PWWP3A: variants seen among roughly 807,000 people sequenced by gnomAD.
PWWP3A encodes the protein PWWP domain-containing DNA repair factor 3A.
Under a neutral mutation model 79.0 loss-of-function variants are expected in PWWP3A, and 53 were observed. The observed-to-expected ratio is 0.67, with a 90% CI of 0.54 to 0.84. The LOEUF is 0.84. Ranked by LOEUF, PWWP3A falls within the 40% of genes least tolerant of loss-of-function variation. The pLI is 0.00. For synonymous variants in PWWP3A, 443 were observed against 394.4 expected, an observed-to-expected ratio of 1.12 and a Z score of -1.46; for missense variants, 973 against 948.0, an observed-to-expected ratio of 1.03 and a Z score of -0.35.
At chr19:1,362,778 A>G (rs2082047797) in intron 6 of PWWP3A, among the ~76,000 whole-genome samples, 1 of 152,242 alleles carries the variant, frequency 6.6e-6, no homozygotes, top group South Asian at 2.1e-4. Flanking sequence ...CTTCAGCCCA[A>G]GAGTGAACTG....
intron 8 of PWWP3A, among the ~76,000 whole-genome samples, 192 bp from the exon 9 acceptor site, chr19:1,366,968 C>T (rs1222370636): frequency 6.6e-6 from 1 of 152,208 alleles, no homozygotes; most frequent in Admixed American, 6.5e-5. Flanking sequence ...GTCAGTGTTG[C>T]TGAAGTCACT....
rs770341107 is a variant in PWWP3A at position 1,370,999 on chromosome 19, A to G, written c.1907A>G (p.Tyr636Cys). The change falls in exon 12 of 14, where the codon TAC becomes TGC. Residue 636 changes from tyrosine (Y) to cysteine (C), a missense_variant. Physicochemically the swap from Tyr to Cys is radical, Grantham distance 194. Transcript: ENST00000591337. ...GTGGTGAAGTACCTGCAGGGCGTCTACCAGGAGGTGGGGGCCAAGGTGCTC... is the reference window on the plus strand; with the variant it reads ...GTGGTGAAGTACCTGCAGGGCGTCTGCCAGGAGGTGGGGGCCAAGGTGCTC... ...DLVVKYLQGV[Y>C]QEVGAKVLQR... 1.0e-5 allele frequency: 16 copies of G among 1,570,004 alleles called. No individual in the cohort carries two copies. Among genetic ancestry groups the G allele is most frequent in the Non-Finnish European group, 1.4e-5 (16 of 1,157,366 alleles).
intron 6 of PWWP3A, among the ~76,000 whole-genome samples, chr19:1,363,540 A>G (rs2144722129): frequency 6.6e-6 from 1 of 152,188 alleles, no homozygotes; most frequent in South Asian, 2.1e-4. Context: ...ACGCTGCCCC[A>G]CTGGGGTTGG....
intron 1 of PWWP3A, among the ~76,000 whole-genome samples, chr19:1,356,116 GA>G (rs923818632): frequency 2.6e-5 from 4 of 152,090 alleles, no homozygotes; most frequent in African/African-American, 9.7e-5. Flanking sequence ...TTTTATTTAT[GA>G]AAAAATGCAG....
rs1054032753 is a variant in PWWP3A at position 1,369,359 on chromosome 19, A to C, written c.1498+19A>C. On this transcript the variant is annotated intron_variant, in intron 10 of 13. Transcript: ENST00000591337. This position sits in a 1 kb window ranked among gnomAD's most constrained non-coding sequence, Gnocchi z 4.0. ...CGGTTAGGTACGTGGGGTGCTGGGGAGGGGTGGAGCTGGGCAGCAGGCGTC... is the reference window on the plus strand; with the variant it reads ...CGGTTAGGTACGTGGGGTGCTGGGGCGGGGTGGAGCTGGGCAGCAGGCGTC... 1.2e-6 allele frequency: 2 copies of C among 1,609,772 alleles called. No homozygotes were observed. Among genetic ancestry groups the C allele is most frequent in the Admixed American group, 3.3e-5 (2 of 59,902 alleles).
Position 1,377,014 on chromosome 19 carries a change from T to G in PWWP3A, c.*438T>G, listed in dbSNP as rs557693991. The G allele has an allele frequency of 6.5e-6, 1 of 154,684 alleles. No homozygotes were observed. The highest frequency in any genetic ancestry group is 1.4e-5 in the Non-Finnish European group (1 of 69,832). 9.6% of individuals were successfully genotyped at this position (154,684 alleles called of 1,614,324 possible). A position where few individuals can be genotyped will look rare whatever the true frequency, so the allele number is the denominator to read the frequency against. ...TGGTTCTTCCGGGTTTGCTGTTTTG[T>G]CTGTTTCCCCCTTGTGTGGTTTCCG... On this transcript the variant is annotated 3_prime_UTR_variant, in exon 14 of 14. Coordinates refer to ENST00000591337, the MANE Select transcript of PWWP3A (RefSeq NM_001369789.1).
At position 1,361,016 on chromosome 19, in the gene PWWP3A, C is replaced by G. The variant is rs1232122826; in HGVS notation, c.1095C>G (p.Ser365=). 7.0e-7 allele frequency: 1 copy of G among 1,428,590 alleles called. No individual in the cohort carries two copies. The highest frequency in any genetic ancestry group is 3.2e-5 in the Admixed American group (1 of 31,294). 88.5% of individuals were successfully genotyped at this position (1,428,590 alleles called of 1,614,324 possible). A position where few individuals can be genotyped will look rare whatever the true frequency, so the allele number is the denominator to read the frequency against. ...CCAGATGTCTTCCTTGCCCGGATTC[C>G]CAGAAGCTGGAGAAAGGTAAAAGTT... ...DATRCLPCPD[S]QKLEKECQSS... is the part of the protein sequence containing the mutation. Residue 365 remains serine (S), a synonymous_variant, in exon 5 of 14, where the codon TCC becomes TCG. Coordinates refer to ENST00000591337, the MANE Select transcript of PWWP3A (RefSeq NM_001369789.1).
intron 9 of PWWP3A, among the ~76,000 whole-genome samples, chr19:1,367,733 G>C (rs1336897628): frequency 6.6e-6 from 1 of 152,238 alleles, no homozygotes; most frequent in East Asian, 1.9e-4. Context: ...TCTGCAGCCA[G>C]CTTTCATCAT....
Position 1,376,309 on chromosome 19 carries a change from TTG to T in PWWP3A, c.2076-208_2076-207del, listed in dbSNP as rs767791587. 1.9e-3 allele frequency among the ~76,000 whole-genome samples: 158 copies of T among 84,126 alleles called. 9 individuals carry two copies. Among genetic ancestry groups the T allele is most frequent in the African/African-American group, 6.5e-3 (115 of 17,588 alleles). The allele number at this position is 84,126 out of a possible 152,430, so 55.2% of individuals were successfully genotyped here. On this transcript the variant is annotated intron_variant, in intron 13 of 13. Coordinates refer to ENST00000591337, the MANE Select transcript of PWWP3A (RefSeq NM_001369789.1). Reference sequence around the variant, plus strand: ...CCCGGCTGTTTGTTTTTTTTTTTGTTTGTTTTTTTTTTTTTTTGGTATTTTTT... The same window carrying T: ...CCCGGCTGTTTGTTTTTTTTTTTGTTTTTTTTTTTTTTTTTGGTATTTTTT...
intron 13 of PWWP3A, among the ~76,000 whole-genome samples, chr19:1,374,744 G>C (rs935999359): frequency 1.3e-5 from 2 of 151,950 alleles, no homozygotes; most frequent in Admixed American, 1.3e-4. Context: ...ATACTCTTTC[G>C]TAAAAAATTA....
In PWWP3A at chr19:1,360,018, G is replaced by A; in HGVS notation, c.215-118G>A. 9.8e-7 allele frequency: 1 copy of A among 1,019,354 alleles called. No homozygotes were observed. The highest frequency in any genetic ancestry group is 1.3e-6 in the Non-Finnish European group (1 of 744,324). 63.1% of individuals were successfully genotyped at this position (1,019,354 alleles called of 1,614,324 possible). A position where few individuals can be genotyped will look rare whatever the true frequency, so the allele number is the denominator to read the frequency against. ...TGAGAAATGTTAGTCCTCCCCTTCA[G>A]TGATTTAGGTATGAAACTAGCCGTC... On this transcript the variant is annotated intron_variant, in intron 4 of 13. Transcript: ENST00000591337. The surrounding 1 kb of genome is among the most constrained non-coding windows in gnomAD (Gnocchi z 4.4).
intron 13 of PWWP3A, among the ~76,000 whole-genome samples, chr19:1,376,296 T>TTTTG (rs1568968637): frequency 1.5e-5 from 1 of 67,514 alleles, no homozygotes; most frequent in Non-Finnish European, 3.1e-5. Context: ...CGGCTGTTTG[T>TTTTG]TTTTTTTTTT....
chr19:1,369,558 A>G lies in PWWP3A; in HGVS notation c.1499-38A>G. The G allele has an allele frequency of 6.2e-7, 1 of 1,612,082 alleles. No homozygotes were observed. Among genetic ancestry groups the G allele is most frequent in the Non-Finnish European group, 8.5e-7 (1 of 1,178,204 alleles). ...GAACACACTTCCTGGGACTCCTCTT[A>G]GGTCTACACAGTGCTCTCTCCCCTC... is the stretch of plus-strand genomic sequence containing the variant. On this transcript the variant is annotated intron_variant, in intron 10 of 13. Transcript: ENST00000591337. This position sits in a 1 kb window ranked among gnomAD's most constrained non-coding sequence, Gnocchi z 4.0.
At position 1,360,904 on chromosome 19, in the gene PWWP3A, G is replaced by C; in HGVS notation, c.983G>C (p.Gly328Ala). 6.5e-7 allele frequency: 1 copy of C among 1,540,816 alleles called. No individual in the cohort carries two copies. Among genetic ancestry groups the C allele is most frequent in the Non-Finnish European group, 8.8e-7 (1 of 1,142,728 alleles). Residue 328 changes from glycine to alanine, a missense_variant, in exon 5 of 14, where the codon GGG becomes GCG. By Grantham distance (60) the Gly-to-Ala change is moderately conservative. Coordinates refer to ENST00000591337, the MANE Select transcript of PWWP3A (RefSeq NM_001369789.1). The surrounding 1 kb of genome is among the most constrained non-coding windows in gnomAD (Gnocchi z 4.4). ...GCAGCAGGGGCCGCACCATCCCCCG[G>C]GCCGGGGCCAGGGCCCAGAGAGTCT... ...PMAAGAAPSPGPGPGPRESVT... is the reference protein window; with the variant it reads ...PMAAGAAPSPAPGPGPRESVT...
intron 9 of PWWP3A, among the ~76,000 whole-genome samples, chr19:1,367,615 G>A (rs368343515): frequency 3.9e-5 from 6 of 152,212 alleles, no homozygotes; most frequent in African/African-American, 4.8e-5. Flanking sequence ...GGCCGGGGGC[G>A]TCCCTAGCTC....
At chr19:1,375,550 T>TATATAATATATAAA (rs2082357082) in intron 13 of PWWP3A, among the ~76,000 whole-genome samples, 3 of 2,398 alleles carry the variant, frequency 1.3e-3, no homozygotes, top group Non-Finnish European at 2.2e-3. Flanking sequence ...ATATATAAAA[T>TATATAATATATAAA]ATATATTATA....
intron 12 of PWWP3A, among the ~76,000 whole-genome samples, chr19:1,371,686 C>G (rs1004750634): frequency 1.3e-5 from 2 of 151,746 alleles, no homozygotes; most frequent in Non-Finnish European, 2.9e-5. Flanking sequence ...ATACTCAAAA[C>G]TATTTAACTT....
Position 1,369,772 on chromosome 19 carries a change from T to C in PWWP3A, c.1549+126T>C. ...AGGCACTGTCCGCAGCCACACAGCA[T>C]TGTTCAACCTCTATGAGGTTTTGAT... On this transcript the variant is annotated intron_variant, in intron 11 of 13. Coordinates refer to ENST00000591337, the MANE Select transcript of PWWP3A (RefSeq NM_001369789.1). This position sits in a 1 kb window ranked among gnomAD's most constrained non-coding sequence, Gnocchi z 4.0. 3.7e-6 allele frequency: 4 copies of C among 1,072,630 alleles called. No homozygotes were observed. The highest frequency in any genetic ancestry group is 4.3e-6 in the Non-Finnish European group (3 of 693,408). The allele number at this position is 1,072,630 out of a possible 1,614,324, so 66.4% of individuals were successfully genotyped here.
rs2082187027 is a variant in PWWP3A at position 1,368,893 on chromosome 19, TCCCCGG to T, written c.1423-371_1423-366del. On this transcript the variant is annotated intron_variant, in intron 9 of 13. Coordinates refer to ENST00000591337, the MANE Select transcript of PWWP3A (RefSeq NM_001369789.1). The surrounding 1 kb of genome is among the most constrained non-coding windows in gnomAD (Gnocchi z 4.7). ...GTTCAGACCAGCCCAAGCCATCGGG[TCCCCGG>T]TGCCCACCTGCGTTCAGACCAGCCC... 6.8e-6 allele frequency among the ~76,000 whole-genome samples: 1 copy of T among 146,032 alleles called. No individual in the cohort carries two copies. The highest frequency in any genetic ancestry group is 2.6e-5 in the African/African-American group (1 of 37,900).
Sources: allele counts gnomAD v4.1 joint callset (sites outside exome capture counted in the v4.1 genomes callset), GRCh38; gene constraint gnomAD v4.1.1; non-coding constraint Gnocchi (gnomAD v3.1); transcripts MANE v1.5; gene names NCBI Gene and HGNC (gene_info 2026-07-23, HGNC 2026-07-21).